Variants in NDC80 observed in about 807,000 individuals in gnomAD.
NDC80 encodes kinetochore protein NDC80 homolog.
A neutral mutation model predicts 89.3 loss-of-function variants in NDC80; 69 were observed. That is an observed-to-expected ratio of 0.77 (90% CI 0.64 to 0.94). The LOEUF is 0.94. Ranked by LOEUF, NDC80 falls within the 40% of genes least tolerant of loss-of-function variation. NDC80 has a pLI of 0.00. For missense variants in NDC80, 593 were observed against 739.6 expected, an observed-to-expected ratio of 0.80 and a Z score of 2.30; for synonymous variants, 243 against 255.6, an observed-to-expected ratio of 0.95 and a Z score of 0.47.
At chr18:2,581,572 T>C (rs1211857868) in intron 6 of NDC80, among the ~76,000 whole-genome samples, 1 of 152,224 alleles carries the variant, frequency 6.6e-6, no homozygotes, top group Admixed American at 6.5e-5. Flanking sequence ...GGCACAAGAA[T>C]CATTTGAACC....
At chr18:2,613,303 T>C (rs2072755237) in intron 16 of NDC80, among the ~76,000 whole-genome samples, 1 of 152,242 alleles carries the variant, frequency 6.6e-6, no homozygotes, top group Admixed American at 6.5e-5. Context: ...AGTTATTATT[T>C]GATTCTTTAC....
chr18:2,596,717 C>A (rs2072658422), intron 11 of NDC80, among the ~76,000 whole-genome samples: 1 of 152,006 alleles, frequency 6.6e-6, no homozygotes, highest in South Asian at 2.1e-4. Context: ...CTATAAAGAC[C>A]CATGCACACA....
intron 7 of NDC80, among the ~76,000 whole-genome samples, chr18:2,586,277 C>T (rs907439339): frequency 4.6e-5 from 7 of 152,088 alleles, no homozygotes; most frequent in African/African-American, 1.7e-4. Flanking sequence ...AATAAACATG[C>T]GCCTTTACTA....
chr18:2,616,033 C>CT (rs1353298871), intron 16 of NDC80, among the ~76,000 whole-genome samples: 3 of 151,276 alleles, frequency 2.0e-5, no homozygotes, highest in Admixed American at 6.6e-5. Flanking sequence ...ATTCTTTTTA[C>CT]TTTTTTTTTG....
chr18:2,588,060 T>C (rs2072610717), intron 8 of NDC80, 137 bp downstream of exon 8: 1 of 630,026 alleles, frequency 1.6e-6, no homozygotes, highest in Admixed American at 2.8e-5. Context: ...ATTTTTATCT[T>C]TGTGGTTTCT....
intron 10 of NDC80, among the ~76,000 whole-genome samples, chr18:2,593,142 T>C (rs1357518300): frequency 6.7e-6 from 1 of 150,056 alleles, no homozygotes; most frequent in East Asian, 2.0e-4. Context: ...GCAACTTCTG[T>C]CTCCTGGGTT....
intron 13 of NDC80, 65 bp downstream of exon 13, chr18:2,601,550 G>C: frequency 1.4e-6 from 1 of 701,084 alleles, no homozygotes; most frequent in Non-Finnish European, 2.2e-6. Flanking sequence ...AAAATTAAAA[G>C]TTATTTATGG....
chr18:2,580,795 G>T (rs1434703618), intron 6 of NDC80, among the ~76,000 whole-genome samples: 1 of 127,254 alleles, frequency 7.9e-6, no homozygotes, highest in African/African-American at 2.9e-5. Flanking sequence ...GGGCTGGAGT[G>T]CAGTGGCACA....
chr18:2,600,872 C>G (rs928770067), intron 12 of NDC80, among the ~76,000 whole-genome samples: 1 of 152,048 alleles, frequency 6.6e-6, no homozygotes, highest in Admixed American at 6.6e-5. Flanking sequence ...GTCATTTTAA[C>G]CTAAGTATTT....
intron 8 of NDC80, 104 bp downstream of exon 8, chr18:2,588,027 T>A: frequency 1.3e-6 from 1 of 798,732 alleles, no homozygotes; most frequent in Non-Finnish European, 2.0e-6. Flanking sequence ...CTACTTACTT[T>A]AAATGTATCT....
At chr18:2,578,853 C>G in intron 5 of NDC80, 74 bp from the exon 6 acceptor site, 1 of 894,988 alleles carries the variant, frequency 1.1e-6, no homozygotes, top group African/African-American at 1.8e-5. Context: ...TTAAATGTAA[C>G]TTCTTGATTA....
intron 6 of NDC80, 84 bp downstream of exon 6, chr18:2,579,113 C>A: frequency 1.3e-6 from 1 of 749,852 alleles, no homozygotes; most frequent in Non-Finnish European, 1.9e-6. Context: ...AGTCTTTTGA[C>A]AGTATTCTCA....
chr18:2,589,338 T>G (rs763124155), intron 9 of NDC80, 28 bp downstream of exon 9: 12 of 1,498,228 alleles, frequency 8.0e-6, no homozygotes, highest in Admixed American at 1.7e-5. Flanking sequence ...CACACTTACT[T>G]GAGAGCTCTT....
At chr18:2,584,986 C>T (rs2072596830) in intron 6 of NDC80, 127 bp from the exon 7 acceptor site, 2 of 649,622 alleles carry the variant, frequency 3.1e-6, no homozygotes, top group Middle Eastern at 7.8e-4. Context: ...AATAACCTAT[C>T]AAAAGAGACT....
intron 16 of NDC80, among the ~76,000 whole-genome samples, chr18:2,612,323 T>A (rs1376415877): frequency 9.0e-6 from 1 of 111,378 alleles, no homozygotes. Flanking sequence ...ATAGCCTCAC[T>A]CTGTCACCCA....
At chr18:2,598,998 T>A in intron 11 of NDC80, 21 bp from the exon 12 acceptor site, 1 of 1,558,280 alleles carries the variant, frequency 6.4e-7, no homozygotes, top group Admixed American at 2.0e-5. Flanking sequence ...TTAACATGTC[T>A]TATGTGTTCT....
chr18:2,607,626 C>G (rs1048015880), intron 14 of NDC80, among the ~76,000 whole-genome samples: 2 of 151,890 alleles, frequency 1.3e-5, no homozygotes, highest in African/African-American at 2.4e-5. Flanking sequence ...TTAGTTTCTG[C>G]ATCTTTGAGA....
chr18:2,578,156 T>G lies in NDC80; in HGVS notation c.476+15T>G, dbSNP rs1421077008. The G allele has an allele frequency of 6.2e-7, 1 of 1,607,156 alleles. No homozygotes were observed. Among genetic ancestry groups the G allele is most frequent in the East Asian group, 2.2e-5 (1 of 44,818 alleles). On this transcript the variant is annotated intron_variant, in intron 5 of 16. Transcript: ENST00000261597. ...AAAGACCTTGGGTATGTATATTTCTTATTAGTTTAGAGACATGACTGGCAC... is the reference window on the plus strand; with the variant it reads ...AAAGACCTTGGGTATGTATATTTCTGATTAGTTTAGAGACATGACTGGCAC...
At chr18:2,588,574 G>A (rs1049573644) in intron 8 of NDC80, among the ~76,000 whole-genome samples, 54 of 152,138 alleles carry the variant, frequency 3.5e-4, no homozygotes, top group African/African-American at 1.3e-3. Context: ...TGGAGGTGAA[G>A]CTATTCCTCC....
Sources: gnomAD v4.1 joint callset for allele counts (sites outside exome capture counted in the v4.1 genomes callset) on GRCh38, gnomAD v4.1.1 for gene constraint, MANE v1.5 for transcripts, NCBI Gene and HGNC (gene_info 2026-07-23, HGNC 2026-07-21) for gene names.